Variants in RAF1 observed in about 807,000 individuals in gnomAD.
RAF1 encodes the protein RAF proto-oncogene serine/threonine-protein kinase.
Under a neutral mutation model 81.1 loss-of-function variants are expected in RAF1, and 27 were observed. The observed-to-expected ratio is 0.33, with a 90% CI of 0.25 to 0.46. RAF1 has a LOEUF of 0.46. RAF1 is among the 20% of genes least tolerant of loss of function. The pLI is 1.00. For missense variants in RAF1, 598 were observed against 826.0 expected (o/e 0.72, Z 3.38); for synonymous variants, 298 against 294.0 (o/e 1.01, Z -0.14).
chr3:12,622,393 T>C (rs985864512), intron 1 of RAF1, among the ~76,000 whole-genome samples: 5 of 147,706 alleles, frequency 3.4e-5, no homozygotes, highest in African/African-American at 7.3e-5. Flanking sequence ...AAATCTAAAC[T>C]CCCTGACAAG....
At chr3:12,593,786 C>CTTTTTTTTT (rs756831846) in intron 11 of RAF1, among the ~76,000 whole-genome samples, 5 of 111,284 alleles carry the variant, frequency 4.5e-5, no homozygotes, top group African/African-American at 6.3e-5. Context: ...GGAGTAAATC[C>CTTTTTTTTT]TTTTTTTTTT....
At chr3:12,633,662 G>A (rs1172930894) in intron 1 of RAF1, among the ~76,000 whole-genome samples, 1 of 149,478 alleles carries the variant, frequency 6.7e-6, no homozygotes, top group East Asian at 2.0e-4. Context: ...CAGGCCCAGC[G>A]CAGTGGCTCA....
chr3:12,658,732 A>T (rs1363579373), intron 1 of RAF1, among the ~76,000 whole-genome samples: 1 of 152,228 alleles, frequency 6.6e-6, no homozygotes, highest in Non-Finnish European at 1.5e-5. Context: ...TAGGATTGTT[A>T]AGCCCCACCC....
intron 10 of RAF1, 97 bp from the exon 10 acceptor site, chr3:12,599,905 T>G (rs1372986571): frequency 5.7e-6 from 7 of 1,221,750 alleles, no homozygotes; most frequent in Non-Finnish European, 8.5e-6. Context: ...TCTGTTTCCA[T>G]ATCTTTTAAA....
In RAF1 at chr3:12,587,760, A is replaced by G. The variant is rs2058372934; in HGVS notation, c.1431-123T>C. ...GCTCCAAGGAGTGTTACACACAGGG[A>G]TAGACCCTGTGCTGTTCAGCCTGGT... On this transcript the variant is annotated intron_variant, in intron 13 of 17. Coordinates refer to ENST00000442415, the MANE Select transcript of RAF1 (RefSeq NM_001354689.3). 22 of 742,016 alleles carry G rather than the reference A, an allele frequency of 3.0e-5. No individual in the cohort carries two copies. In the South Asian group the frequency reaches 3.2e-4, roughly 11 times the overall value. 46.0% of individuals were successfully genotyped at this position (742,016 alleles called of 1,614,324 possible). A position where few individuals can be genotyped will look rare whatever the true frequency, so the allele number is the denominator to read the frequency against.
chr3:12,586,864 C>T (rs867502987), intron 14 of RAF1: 32 of 152,334 alleles, frequency 2.1e-4, no homozygotes, highest in African/African-American at 7.5e-4. Context: ...GAGACACAGC[C>T]TTGCTCTGTC....
chr3:12,659,674 C>T (rs1040556604), intron 1 of RAF1, among the ~76,000 whole-genome samples: 1 of 152,054 alleles, frequency 6.6e-6, no homozygotes, highest in African/African-American at 2.4e-5. Flanking sequence ...GAAGAAATGA[C>T]TCCCAAGATC....
At chr3:12,613,416 G>A (rs1376382054) in intron 2 of RAF1, among the ~76,000 whole-genome samples, 1 of 94,800 alleles carries the variant, frequency 1.1e-5, no homozygotes, top group Non-Finnish European at 2.3e-5. Context: ...CCCCCACCCC[G>A]CCATCCCCCC....
intron 2 of RAF1, among the ~76,000 whole-genome samples, chr3:12,614,838 GAAC>G (rs776936209): frequency 6.6e-6 from 1 of 152,144 alleles, no homozygotes; most frequent in Non-Finnish European, 1.5e-5. Context: ...ATACTGATGT[GAAC>G]TACTAAGACA....
intron 1 of RAF1, among the ~76,000 whole-genome samples, chr3:12,646,272 C>G (rs529102174): frequency 1.3e-5 from 2 of 152,172 alleles, no homozygotes; most frequent in African/African-American, 4.8e-5. Flanking sequence ...TCCTGAGTAG[C>G]TGGAAAAATA....
chr3:12,585,260 G>A lies in RAF1; in HGVS notation c.1597-7C>T, dbSNP rs746129982. 3 of 1,614,002 alleles carry A rather than the reference G, an allele frequency of 1.9e-6. No individual in the cohort carries two copies. Among genetic ancestry groups the A allele is most frequent in the Admixed American group, 1.7e-5 (1 of 60,026 alleles). On this transcript the variant is annotated splice_region_variant and splice_polypyrimidine_tract_variant and intron_variant, in intron 15 of 17. Coordinates refer to ENST00000442415, the MANE Select transcript of RAF1 (RefSeq NM_001354689.3). ...TTCGGATCACCTCTGGGGCCTACAT[G>A]TATCACCATATGACAAAAGTGCATT...
At chr3:12,585,409 G>T in intron 15 of RAF1, 156 bp from the exon 15 acceptor site, 2 of 985,324 alleles carry the variant, frequency 2.0e-6, no homozygotes, top group Non-Finnish European at 2.4e-6. Flanking sequence ...CTCAGGCACT[G>T]GTTAAAACAG....
intron 1 of RAF1, among the ~76,000 whole-genome samples, chr3:12,620,974 G>A (rs1306810161): frequency 6.6e-6 from 1 of 151,780 alleles, no homozygotes; most frequent in Admixed American, 6.6e-5. Flanking sequence ...CAGAAACCAT[G>A]CAGAAGTAAG....
At chr3:12,658,914 G>T (rs375940105) in intron 1 of RAF1, among the ~76,000 whole-genome samples, 2 of 152,184 alleles carry the variant, frequency 1.3e-5, no homozygotes, top group African/African-American at 4.8e-5. Flanking sequence ...ACACCCACTT[G>T]ACATTTTCCT....
intron 1 of RAF1, among the ~76,000 whole-genome samples, chr3:12,637,181 A>G (rs542217304): frequency 6.6e-6 from 1 of 152,328 alleles, no homozygotes; most frequent in South Asian, 2.1e-4. Context: ...TATTATACTC[A>G]CTAGTAAACC....
At chr3:12,651,992 A>G (rs971829788) in intron 1 of RAF1, among the ~76,000 whole-genome samples, 15 of 148,672 alleles carry the variant, frequency 1.0e-4, no homozygotes, top group Non-Finnish European at 2.2e-4. Flanking sequence ...CTGGGCAACA[A>G]GAGCGAAACT....
Position 12,600,019 on chromosome 3 carries a change from A to G in RAF1, c.1050+133T>C, listed in dbSNP as rs2246390. 803,517 of 1,426,404 alleles carry G rather than the reference A, an allele frequency of 0.56. 239,414 individuals are homozygous for G. Among genetic ancestry groups the G allele is most frequent in the African/African-American group, 0.91 (64,376 of 70,814 alleles). The allele number at this position is 1,426,404 out of a possible 1,614,324, so 88.4% of individuals were successfully genotyped here. ...ATGCAAGTGTGCCAAAAATGACAGT[A>G]ACATTTATAATCTCCTTCATTGAAT... On this transcript the variant is annotated intron_variant, in intron 10 of 17. Transcript: ENST00000442415.
intron 11 of RAF1, among the ~76,000 whole-genome samples, chr3:12,593,507 G>T (rs1326450059): frequency 6.6e-6 from 1 of 152,080 alleles, no homozygotes; most frequent in African/African-American, 2.4e-5. Context: ...TTTAACAGCA[G>T]CCTCCAAAGT....
At chr3:12,612,340 A>G (rs1049405259) in intron 2 of RAF1, among the ~76,000 whole-genome samples, 2 of 152,150 alleles carry the variant, frequency 1.3e-5, no homozygotes, top group Non-Finnish European at 2.9e-5. Context: ...TCAGAATAAT[A>G]GAGTAAGATT....
Sources: gnomAD v4.1 joint callset for allele counts (sites outside exome capture counted in the v4.1 genomes callset) on GRCh38, gnomAD v4.1.1 for gene constraint, MANE v1.5 for transcripts, NCBI Gene and HGNC (gene_info 2026-07-23, HGNC 2026-07-21) for gene names.